Variants in STK32B observed in about 807,000 individuals in gnomAD.
STK32B encodes the protein serine/threonine-protein kinase 32B.
STK32B carries 43 observed loss-of-function variants against 52.6 expected under a neutral mutation model. That is an observed-to-expected ratio of 0.82 (90% CI 0.64 to 1.05). The LOEUF (loss-of-function observed/expected upper bound fraction) is 1.05. Among genes scored for constraint, STK32B ranks in the 50% least tolerant of loss-of-function variants. STK32B has a pLI of 0.00. For synonymous variants in STK32B, 238 were observed against 204.3 expected (o/e 1.17, Z -1.41); for missense variants, 621 against 534.6 (o/e 1.16, Z -1.59).
intron 3 of STK32B, among the ~76,000 whole-genome samples, chr4:5,172,162 T>A (rs1001674968): frequency 1.4e-4 from 21 of 152,142 alleles, no homozygotes; most frequent in African/African-American, 5.1e-4. Context: ...TGATTTTGTA[T>A]CCTGAGACTT....
intron 4 of STK32B, among the ~76,000 whole-genome samples, chr4:5,376,644 G>A (rs1735608273): frequency 6.6e-6 from 1 of 152,178 alleles, no homozygotes; most frequent in Non-Finnish European, 1.5e-5. Context: ...TCAGCATCAG[G>A]ATGATGGAAA....
chr4:5,441,068 T>C (rs1482356821), intron 6 of STK32B, among the ~76,000 whole-genome samples: 1 of 149,952 alleles, frequency 6.7e-6, no homozygotes, highest in Non-Finnish European at 1.5e-5. Context: ...AAAATTCTCT[T>C]TTTTGGTTGT....
chr4:5,369,379 C>A (rs926867053), intron 4 of STK32B, among the ~76,000 whole-genome samples: 1 of 151,950 alleles, frequency 6.6e-6, no homozygotes, highest in African/African-American at 2.4e-5. Flanking sequence ...CATCTAGGAG[C>A]CAAAACTAAT....
At chr4:5,397,743 G>A (rs1737010314) in intron 4 of STK32B, among the ~76,000 whole-genome samples, 1 of 152,218 alleles carries the variant, frequency 6.6e-6, no homozygotes, top group South Asian at 2.1e-4. Flanking sequence ...ACTGGCCCAG[G>A]GCTGGATTTG....
rs1233505873 is a variant in STK32B, at chr4:5,398,328, C to T, written c.472+84C>T. 6.8e-7 allele frequency: 1 copy of T among 1,464,412 alleles called. No individual in the cohort carries two copies. The highest frequency in any genetic ancestry group is 9.5e-7 in the Non-Finnish European group (1 of 1,054,892). 90.7% of individuals were successfully genotyped at this position (1,464,412 alleles called of 1,614,324 possible). ...AATAGTGCGGGGGTGGGGGTTGGGT[C>T]TTGCTGAGTTGGACATTAGCATTGG... On this transcript the variant is annotated intron_variant, in intron 5 of 11. Transcript: ENST00000282908. The surrounding 1 kb of genome is among the most constrained non-coding windows in gnomAD (Gnocchi z 4.9).
At chr4:5,331,940 TG>T (rs1220609023) in intron 4 of STK32B, among the ~76,000 whole-genome samples, 1 of 152,198 alleles carries the variant, frequency 6.6e-6, no homozygotes, top group Non-Finnish European at 1.5e-5. Flanking sequence ...TGACTTTGCC[TG>T]CAGAAGCTGG....
chr4:5,436,952 G>A (rs1440187104), intron 6 of STK32B, among the ~76,000 whole-genome samples: 2 of 152,224 alleles, frequency 1.3e-5, no homozygotes, highest in Non-Finnish European at 2.9e-5. Context: ...CAGTGAGCCA[G>A]ACAAGCCCTA....
chr4:5,286,412 G>A (rs1008853053), intron 3 of STK32B, among the ~76,000 whole-genome samples: 1 of 152,116 alleles, frequency 6.6e-6, no homozygotes, highest in Middle Eastern at 3.2e-3. Flanking sequence ...CACACTAAGT[G>A]TTCTCCATGT....
chr4:5,038,985 CTTTTTTT>C, the STK32B span, among the ~76,000 whole-genome samples: 27 of 122,316 alleles, frequency 2.2e-4, no homozygotes, highest in South Asian at 2.3e-3. Flanking sequence ...AAATTTCTTT[CTTTTTTT>C]TTTTTTTTTT....
At chr4:5,236,909 T>C (rs4688923) in intron 3 of STK32B, among the ~76,000 whole-genome samples, 4,206 of 152,292 alleles carry the variant, frequency 0.028, 134 homozygotes, top group East Asian at 0.076. Context: ...GTAGAATTAC[T>C]GGGTGGTAGG....
At chr4:5,269,467 G>C (rs752511238) in intron 3 of STK32B, among the ~76,000 whole-genome samples, 2 of 152,150 alleles carry the variant, frequency 1.3e-5, no homozygotes, top group Non-Finnish European at 2.9e-5. Context: ...AACACAAAAA[G>C]GTAATATATA....
intron 3 of STK32B, among the ~76,000 whole-genome samples, chr4:5,218,861 G>A (rs1723344486): frequency 6.6e-6 from 1 of 152,186 alleles, no homozygotes; most frequent in Admixed American, 6.5e-5. Flanking sequence ...GGCCGGCCTG[G>A]GAGCTGGGAC....
At chr4:5,135,307 GTGAC>G in intron 1 of STK32B, among the ~76,000 whole-genome samples, 1 of 152,336 alleles carries the variant, frequency 6.6e-6, no homozygotes, top group East Asian at 1.9e-4. Context: ...GAGAGCCTGA[GTGAC>G]TTCCCCAACA....
chr4:5,318,564 C>T lies in STK32B; in HGVS notation c.261-12656C>T, dbSNP rs186072095. On this transcript the variant is annotated intron_variant, in intron 3 of 11. Coordinates refer to ENST00000282908, the MANE Select transcript of STK32B (RefSeq NM_018401.3). ...AGGTTAAGGGATCCTGAATTTATTCCAGATATATTGGGACATCACTGCAGT... is the reference window on the plus strand; with the variant it reads ...AGGTTAAGGGATCCTGAATTTATTCTAGATATATTGGGACATCACTGCAGT... 1.2e-3 allele frequency among the ~76,000 whole-genome samples: 176 copies of T among 152,128 alleles called. 3 individuals are homozygous for T. Among genetic ancestry groups the T allele is most frequent in the African/African-American group, 4.0e-3 (168 of 41,516 alleles).
intron 3 of STK32B, among the ~76,000 whole-genome samples, chr4:5,320,605 A>C (rs144810249): frequency 9.8e-5 from 15 of 152,298 alleles, no homozygotes; most frequent in African/African-American, 3.6e-4. Flanking sequence ...TGTAAGAACC[A>C]AGTGTAGTCA....
At chr4:5,446,633 G>T in intron 6 of STK32B, 40 bp from the exon 7 acceptor site, 1 of 1,577,442 alleles carries the variant, frequency 6.3e-7, no homozygotes. Context: ...GCCATAAACT[G>T]GGATACACAA....
At chr4:5,384,057 G>T (rs28661330) in intron 4 of STK32B, among the ~76,000 whole-genome samples, 38,476 of 152,022 alleles carry the variant, frequency 0.25, 5,809 homozygotes, top group African/African-American at 0.43. Context: ...GGCCTTCCAG[G>T]CCAGGTAACA....
intron 3 of STK32B, among the ~76,000 whole-genome samples, chr4:5,192,815 C>T (rs1398931958): frequency 6.6e-6 from 1 of 152,200 alleles, no homozygotes; most frequent in Non-Finnish European, 1.5e-5. Context: ...TACATTAGAG[C>T]CCAGGGCCGC....
At chr4:5,249,737 T>C (rs985985840) in intron 3 of STK32B, among the ~76,000 whole-genome samples, 1 of 152,058 alleles carries the variant, frequency 6.6e-6, no homozygotes, top group African/African-American at 2.4e-5. Flanking sequence ...ACCCAGATTC[T>C]CAGTCTGGCT....
Sources: gnomAD v4.1 joint callset for allele counts (sites outside exome capture counted in the v4.1 genomes callset) on GRCh38, gnomAD v4.1.1 for gene constraint, Gnocchi (gnomAD v3.1) non-coding constraint, MANE v1.5 for transcripts, NCBI Gene and HGNC (gene_info 2026-07-23, HGNC 2026-07-21) for gene names.